Variants in TRIP6 observed in about 807,000 individuals in gnomAD.
The protein encoded by TRIP6 is thyroid hormone receptor interactor 6.
A neutral mutation model predicts 51.9 loss-of-function variants in TRIP6; 33 were observed. The observed-to-expected ratio is 0.64, with a 90% CI of 0.48 to 0.85. The LOEUF (loss-of-function observed/expected upper bound fraction) is 0.85, where lower values mean the gene tolerates loss of function less well. TRIP6 is among the 40% of genes least tolerant of loss of function. The probability of loss-of-function intolerance (pLI) is 0.00; values close to 1 mark genes in which losing one functional copy is unlikely to be tolerated. For synonymous variants in TRIP6, 255 were observed against 275.8 expected (o/e 0.92, Z 0.75); for missense variants, 661 against 652.1 (o/e 1.01, Z -0.15).
In TRIP6 at chr7:100,867,736, C is replaced by T; in HGVS notation, c.110-125C>T. ...AAGCCGAGGCGGGGGGAACAGCCGC[C>T]TGCGCTCTCTTGGGACCCTAGATTT... On this transcript the variant is annotated intron_variant, in intron 1 of 8. Transcript: ENST00000200457. This position sits in a 1 kb window ranked among gnomAD's most constrained non-coding sequence, Gnocchi z 5.4. 6.6e-7 allele frequency: 1 copy of T among 1,520,264 alleles called. No homozygotes were observed. The allele number at this position is 1,520,264 out of a possible 1,614,324, so 94.2% of individuals were successfully genotyped here.
chr7:100,872,181 G>GT (rs34239953), intron 7 of TRIP6, among the ~76,000 whole-genome samples: 34,157 of 95,708 alleles, frequency 0.36, 6,436 homozygotes, highest in East Asian at 0.66. Context: ...CGCCTGGCTA[G>GT]TTTTTTTTTT....
chr7:100,868,740 A>G lies in TRIP6; in HGVS notation c.609A>G (p.Pro203=). The G allele has an allele frequency of 6.4e-7, 1 of 1,557,502 alleles. No homozygotes were observed. Among genetic ancestry groups the G allele is most frequent in the Non-Finnish European group, 8.7e-7 (1 of 1,155,194 alleles). Residue 203 remains proline (P), a synonymous_variant, in exon 4 of 9, where the codon CCA becomes CCG. Transcript: ENST00000200457. ...TCCCGGGCCCCCACTTTCCTCTCCCAGGCCGAGGTGAAGTCTGGGGGCCTG... is the reference window on the plus strand; with the variant it reads ...TCCCGGGCCCCCACTTTCCTCTCCCGGGCCGAGGTGAAGTCTGGGGGCCTG... ...GPLPGPHFPL[P]GRGEVWGPGY... is the part of the protein sequence containing the mutation.
At chr7:100,870,853 A>G in intron 6 of TRIP6, 110 bp downstream of exon 6, 2 of 1,410,982 alleles carry the variant, frequency 1.4e-6, no homozygotes, top group South Asian at 2.8e-5. Context: ...GCTAAAAGCC[A>G]GGCGACTGAA....
chr7:100,872,181 G>GTTTTTTT lies in TRIP6; in HGVS notation c.1179-426_1179-420dup, dbSNP rs34239953. Reference sequence around the variant, plus strand: ...GGGCGCATGCCACCACGCCTGGCTAGTTTTTTTTTTTTTTTTTTTTTTTGT... The same window carrying GTTTTTTT: ...GGGCGCATGCCACCACGCCTGGCTAGTTTTTTTTTTTTTTTTTTTTTTTTTTTTTTGT... On this transcript the variant is annotated intron_variant, in intron 7 of 8. Coordinates refer to ENST00000200457, the MANE Select transcript of TRIP6 (RefSeq NM_003302.3). Among the ~76,000 whole-genome samples the GTTTTTTT allele has an allele frequency of 4.3e-4, 41 of 95,578 alleles. 1 individual carries two copies. The highest frequency in any genetic ancestry group is 5.0e-4 in the African/African-American group (12 of 23,944). The allele number at this position is 95,578 out of a possible 152,430, so 62.7% of individuals were successfully genotyped here.
At chr7:100,871,817 C>A in intron 7 of TRIP6, 96 bp downstream of exon 7, 1 of 1,439,556 alleles carries the variant, frequency 6.9e-7, no homozygotes, top group Non-Finnish European at 9.4e-7. Context: ...GTTTCCAACC[C>A]TGGCCCTCCT....
chr7:100,868,425 G>A, intron 3 of TRIP6, 70 bp from the exon 4 acceptor site: 1 of 1,607,766 alleles, frequency 6.2e-7, no homozygotes, highest in South Asian at 1.1e-5. Flanking sequence ...CACAGCCAGG[G>A]TCATTTCCAC....
At position 100,868,209 on chromosome 7, in the gene TRIP6, T is replaced by C. The variant is rs748930579; in HGVS notation, c.339T>C (p.His113=). 4.4e-6 allele frequency: 7 copies of C among 1,608,578 alleles called. No individual in the cohort carries two copies. The Admixed American group carries it at 8.5e-5, about 19-fold the overall frequency. ...CCGAGCTGAATGGGGGTCGGGGTCATGCGTCACGGCGACCAGACCGACAGG... is the reference window on the plus strand; with the variant it reads ...CCGAGCTGAATGGGGGTCGGGGTCACGCGTCACGGCGACCAGACCGACAGG... ...TLAELNGGRG[H]ASRRPDRQAY... Residue 113 remains histidine (H), a synonymous_variant, in exon 3 of 9, where the codon CAT becomes CAC. Coordinates refer to ENST00000200457, the MANE Select transcript of TRIP6 (RefSeq NM_003302.3).
rs758871845 is a variant in TRIP6, at chr7:100,873,309, C to T, written c.*6C>T. On this transcript the variant is annotated 3_prime_UTR_variant, in exon 9 of 9. Coordinates refer to ENST00000200457, the MANE Select transcript of TRIP6 (RefSeq NM_003302.3). The stretch of plus-strand genomic sequence containing the variant: ...CCGTCACCACTGACTGCTGAGTCTT[C>T]CTAGAAGTACCTGCTGGGTTCTCAG... 7 of 1,596,356 alleles carry T rather than the reference C, an allele frequency of 4.4e-6. No individual in the cohort carries two copies. The highest frequency in any genetic ancestry group is 1.7e-5 in the Admixed American group (1 of 59,678).
At chr7:100,869,247 C>T (rs377055463) in intron 4 of TRIP6, among the ~76,000 whole-genome samples, 3 of 151,686 alleles carry the variant, frequency 2.0e-5, no homozygotes, top group African/African-American at 7.3e-5. Context: ...CCTGAGCCAC[C>T]GCGCCTGGCC....
intron 6 of TRIP6, chr7:100,871,020 T>C: frequency 1.6e-6 from 1 of 632,346 alleles, no homozygotes. Context: ...CAGGTATTAC[T>C]ACTGATTCCT....
chr7:100,872,437 G>A (rs1212081625), intron 7 of TRIP6, among the ~76,000 whole-genome samples, 187 bp from the exon 8 acceptor site: 1 of 152,072 alleles, frequency 6.6e-6, no homozygotes, highest in African/African-American at 2.4e-5. Flanking sequence ...CCAAAGTCGG[G>A]GGATTGCAGG....
At chr7:100,870,801 C>G in intron 6 of TRIP6, 58 bp downstream of exon 6, 2 of 1,562,030 alleles carry the variant, frequency 1.3e-6, no homozygotes, top group Non-Finnish European at 1.7e-6. Flanking sequence ...GGCTTCCATC[C>G]AAGGTGGTAA....
chr7:100,872,762 C>T lies in TRIP6; in HGVS notation c.1299+18C>T, dbSNP rs761558142. The T allele has an allele frequency of 1.2e-5, 20 of 1,612,980 alleles. No homozygotes were observed. The highest frequency in any genetic ancestry group is 5.5e-5 in the South Asian group (5 of 91,026). On this transcript the variant is annotated intron_variant, in intron 8 of 8. Coordinates refer to ENST00000200457, the MANE Select transcript of TRIP6 (RefSeq NM_003302.3). ...AGTGCGAGGTCAGGGGCCCCCAGCA[C>T]GTGCAAGGGGCTGGCAGTGTCTAGG...
At chr7:100,871,363 A>C (rs1244187800) in intron 6 of TRIP6, among the ~76,000 whole-genome samples, 180 bp from the exon 7 acceptor site, 1 of 152,128 alleles carries the variant, frequency 6.6e-6, no homozygotes, top group Non-Finnish European at 1.5e-5. Flanking sequence ...TAGTGTTTAA[A>C]TACCGTGTAT....
chr7:100,872,462 C>A (rs1451592818), intron 7 of TRIP6, among the ~76,000 whole-genome samples, 162 bp from the exon 8 acceptor site: 1 of 152,158 alleles, frequency 6.6e-6, no homozygotes, highest in East Asian at 1.9e-4. Flanking sequence ...AGCCACTGCA[C>A]CTAGCCTCTC....
At position 100,870,628 on chromosome 7, in the gene TRIP6, C is replaced by A; in HGVS notation, c.884C>A (p.Ala295Asp). The change falls in exon 6 of 9, where the codon GCC (alanine) becomes GAC (aspartate). Residue 295 changes from alanine to aspartate, a missense_variant. By Grantham distance (126) the Ala-to-Asp change is moderately radical. Coordinates refer to ENST00000200457, the MANE Select transcript of TRIP6 (RefSeq NM_003302.3). ...GTTGGGGATGGGGCTGGGGTTGTGG[C>A]CCTTGATCGCGTCTTTCACGTGGGC... is the stretch of plus-strand genomic sequence containing the variant. ...DVVGDGAGVV[A>D]LDRVFHVGCF... is the part of the protein sequence containing the mutation. The A allele has an allele frequency of 6.2e-7, 1 of 1,614,122 alleles. No homozygotes were observed. The highest frequency in any genetic ancestry group is 8.5e-7 in the Non-Finnish European group (1 of 1,179,996).
At chr7:100,868,994 C>T in intron 4 of TRIP6, 128 bp downstream of exon 4, 1 of 1,271,758 alleles carries the variant, frequency 7.9e-7, no homozygotes, top group Non-Finnish European at 1.0e-6. Context: ...TTTGCCCAGG[C>T]TGGGGTGCAG....
intron 8 of TRIP6, 94 bp downstream of exon 8, chr7:100,872,838 C>CG: frequency 2.7e-6 from 4 of 1,499,402 alleles, no homozygotes; most frequent in Non-Finnish European, 3.6e-6. Flanking sequence ...TTGATGGAAA[C>CG]CTGTTGCTTC....
At chr7:100,869,781 G>A (rs1815230230) in intron 4 of TRIP6, among the ~76,000 whole-genome samples, 1 of 78,482 alleles carries the variant, frequency 1.3e-5, no homozygotes, top group African/African-American at 5.0e-5. Flanking sequence ...CAGTTTTGGG[G>A]AAAACAATTT....
Sources: allele counts gnomAD v4.1 joint callset (sites outside exome capture counted in the v4.1 genomes callset), GRCh38; gene constraint gnomAD v4.1.1; non-coding constraint Gnocchi (gnomAD v3.1); transcripts MANE v1.5; gene names NCBI Gene and HGNC (gene_info 2026-07-23, HGNC 2026-07-21).